ASIC2: variants seen among roughly 807,000 people sequenced by gnomAD.
ASIC2 encodes the protein acid-sensing ion channel 2.
ASIC2 carries 25 observed loss-of-function variants against 57.3 expected under a neutral mutation model. The ratio of observed to expected loss-of-function variants is 0.44; its 90% CI spans 0.32 to 0.61. ASIC2 has a LOEUF of 0.61. Among genes scored for constraint, ASIC2 ranks in the 20% least tolerant of loss-of-function variants. The pLI is 0.06. For missense variants in ASIC2, 641 were observed against 738.1 expected (o/e 0.87, Z 1.52); for synonymous variants, 319 against 307.5 (o/e 1.04, Z -0.39).
chr17:33,843,297 T>A (rs1186827982), intron 1 of ASIC2, among the ~76,000 whole-genome samples: 3 of 152,162 alleles, frequency 2.0e-5, no homozygotes, highest in African/African-American at 7.2e-5. Flanking sequence ...AACGGAAGGC[T>A]AAGGAAGGGA....
intron 1 of ASIC2, among the ~76,000 whole-genome samples, chr17:33,701,524 T>C (rs530846558): frequency 3.1e-4 from 47 of 152,296 alleles, no homozygotes; most frequent in Non-Finnish European, 4.9e-4. Flanking sequence ...AGGAAGTAGG[T>C]CTGAGTCTAT....
rs563211492 is a variant in ASIC2, at chr17:33,425,755, G to A, written c.556-313688C>T. Among the ~76,000 whole-genome samples the A allele has an allele frequency of 2.0e-5, 3 of 152,248 alleles. No homozygotes were observed. The South Asian group carries it at 6.2e-4, about 32-fold the overall frequency. On this transcript the variant is annotated intron_variant, in intron 1 of 9. Transcript: ENST00000359872. ...TGAGTCTCCATGGTGTCCTTGCGTG[G>A]CTATTAGGGATGAATCTGGCTGTGA...
At chr17:34,136,808 C>G (rs577557534) in intron 1 of ASIC2, among the ~76,000 whole-genome samples, 24 of 152,254 alleles carry the variant, frequency 1.6e-4, no homozygotes, top group Admixed American at 6.5e-4. Context: ...GAGAGTTTGG[C>G]TTTTTTCATC....
intron 1 of ASIC2, among the ~76,000 whole-genome samples, chr17:33,609,941 T>C (rs572355689): frequency 1.3e-4 from 19 of 151,846 alleles, no homozygotes; most frequent in Non-Finnish European, 2.8e-4. Context: ...GCCACAGGCT[T>C]CCCCCTCCTC....
chr17:33,620,250 A>AC (rs1301866452), intron 1 of ASIC2, among the ~76,000 whole-genome samples: 2 of 151,578 alleles, frequency 1.3e-5, no homozygotes, highest in Non-Finnish European at 2.9e-5. Context: ...GAAAAAAAAA[A>AC]AAAAAAAAAA....
intron 1 of ASIC2, chr17:34,051,875 CG>C (rs1567801965): frequency 6.3e-5 from 5 of 79,752 alleles, no homozygotes; most frequent in African/African-American, 2.2e-4. Flanking sequence ...AGAGAGAGAG[CG>C]AGAGAGCGAG....
At chr17:33,079,235 T>C (rs1278923789) in intron 3 of ASIC2, among the ~76,000 whole-genome samples, 1 of 152,196 alleles carries the variant, frequency 6.6e-6, no homozygotes. Flanking sequence ...GCAGGGGAGA[T>C]AGATAAGTAA....
rs1285175555 is a variant in ASIC2, at chr17:33,775,553, G to A, written c.555+380425C>T. On this transcript the variant is annotated intron_variant, in intron 1 of 9. Transcript: ENST00000359872. ...GCTGAGATCTAAAATCTGTGTGGGA[G>A]TTAAGCAGGTATCTACAGCAGGGTC... Among the ~76,000 whole-genome samples, 3 of 152,222 alleles carry A rather than the reference G, an allele frequency of 2.0e-5. No homozygotes were observed. The East Asian group carries it at 5.8e-4, about 29-fold the overall frequency.
chr17:33,485,331 T>C (rs1021122280), intron 1 of ASIC2, among the ~76,000 whole-genome samples: 8 of 152,194 alleles, frequency 5.3e-5, no homozygotes, highest in Non-Finnish European at 8.8e-5. Flanking sequence ...GTCAAGCCAA[T>C]AGCCAGTGAG....
chr17:33,900,417 C>T (rs905169710), intron 1 of ASIC2, among the ~76,000 whole-genome samples: 3 of 152,130 alleles, frequency 2.0e-5, no homozygotes, highest in East Asian at 1.9e-4. Flanking sequence ...ATCTAGCAAA[C>T]ACCCCATCTG....
At chr17:33,568,142 A>C (rs889970798) in intron 1 of ASIC2, among the ~76,000 whole-genome samples, 1 of 152,154 alleles carries the variant, frequency 6.6e-6, no homozygotes, top group African/African-American at 2.4e-5. Flanking sequence ...CTCACAGTCA[A>C]ACATGACCCA....
intron 1 of ASIC2, among the ~76,000 whole-genome samples, chr17:33,264,950 C>G (rs1350693805): frequency 1.2e-4 from 18 of 152,266 alleles, no homozygotes. Context: ...AGCCTAGCAT[C>G]AGCCTAGCTA....
At chr17:33,092,190 C>T (rs1435521136) in intron 2 of ASIC2, among the ~76,000 whole-genome samples, 1 of 152,240 alleles carries the variant, frequency 6.6e-6, no homozygotes, top group Non-Finnish European at 1.5e-5. Context: ...TCCAGATCCT[C>T]TACCCTGCTT....
At chr17:33,672,009 C>A (rs1305502653) in intron 1 of ASIC2, among the ~76,000 whole-genome samples, 1 of 152,270 alleles carries the variant, frequency 6.6e-6, no homozygotes, top group South Asian at 2.1e-4. Context: ...CTTTTCCCCC[C>A]CTATTCATTT....
intron 1 of ASIC2, among the ~76,000 whole-genome samples, chr17:33,826,903 A>G (rs1205071691): frequency 6.6e-6 from 1 of 152,134 alleles, no homozygotes; most frequent in Non-Finnish European, 1.5e-5. Context: ...TTATAAGATA[A>G]TATATAATTA....
chr17:33,535,427 C>T (rs1466690404), intron 1 of ASIC2, among the ~76,000 whole-genome samples: 3 of 152,010 alleles, frequency 2.0e-5, no homozygotes, highest in Non-Finnish European at 4.4e-5. Flanking sequence ...CGCCTGCCAC[C>T]ATGCCCGGCT....
At chr17:33,733,164 C>T (rs982236131) in intron 1 of ASIC2, among the ~76,000 whole-genome samples, 1 of 152,192 alleles carries the variant, frequency 6.6e-6, no homozygotes, top group Non-Finnish European at 1.5e-5. Flanking sequence ...TGTCCCCTCA[C>T]TTCTGACTCC....
intron 1 of ASIC2, among the ~76,000 whole-genome samples, chr17:33,248,321 A>G (rs1326266350): frequency 6.6e-6 from 1 of 152,206 alleles, no homozygotes; most frequent in Non-Finnish European, 1.5e-5. Context: ...AGTGAAATAG[A>G]TCAGGGTAGT....
At chr17:33,343,037 A>T (rs925552082) in intron 1 of ASIC2, among the ~76,000 whole-genome samples, 10 of 152,232 alleles carry the variant, frequency 6.6e-5, no homozygotes, top group African/African-American at 1.9e-4. Context: ...TTCAAGCAAC[A>T]GGTCTGAAGG....
Sources: gnomAD v4.1 joint callset for allele counts (sites outside exome capture counted in the v4.1 genomes callset) on GRCh38, gnomAD v4.1.1 for gene constraint, MANE v1.5 for transcripts, NCBI Gene and HGNC (gene_info 2026-07-23, HGNC 2026-07-21) for gene names.